SDCBP2: variants seen among roughly 807,000 people sequenced by gnomAD.
The protein encoded by SDCBP2 is syndecan binding protein 2.
In SDCBP2, 28 loss-of-function variants were observed where a neutral mutation model predicts 30.7. The ratio of observed to expected loss-of-function variants is 0.91; its 90% CI spans 0.68 to 1.25. The LOEUF (loss-of-function observed/expected upper bound fraction) is 1.25, where lower values mean the gene tolerates loss of function less well. Ranked by LOEUF, SDCBP2 falls within the 50% of genes most tolerant of loss-of-function variation. The pLI is 0.00. For missense variants in SDCBP2, 399 were observed against 379.0 expected (o/e 1.05, Z -0.44); for synonymous variants, 166 against 157.3 (o/e 1.06, Z -0.41).
Position 1,313,687 on chromosome 20 carries a change from A to G in SDCBP2, c.226-189T>C, listed in dbSNP as rs989900440. ...CTCCACGCGGCCACTAGGGGGCGTC[A>G]AAGTCCATGCCCTTAAAAAGCCAGG... On this transcript the variant is annotated intron_variant, in intron 4 of 8. Transcript: ENST00000360779. The surrounding 1 kb of genome is among the most constrained non-coding windows in gnomAD (Gnocchi z 5.2). 20 of 1,370,304 alleles carry G rather than the reference A, an allele frequency of 1.5e-5. No individual in the cohort carries two copies. Among genetic ancestry groups the G allele is most frequent in the Non-Finnish European group, 1.9e-5 (20 of 1,063,082 alleles). 84.9% of individuals were successfully genotyped at this position (1,370,304 alleles called of 1,614,324 possible). A position where few individuals can be genotyped will look rare whatever the true frequency, so the allele number is the denominator to read the frequency against.
rs574993989 is a variant in SDCBP2 at position 1,328,213 on chromosome 20, G to A, written c.-20+872C>T. 5.3e-5 allele frequency among the ~76,000 whole-genome samples: 8 copies of A among 152,184 alleles called. No individual in the cohort carries two copies. The South Asian group carries it at 1.5e-3, about 28-fold the overall frequency. The stretch of plus-strand genomic sequence containing the variant: ...GGGAGGAAGCTGGAGAAGTGAGAGG[G>A]GCCAGATCCTGGAGGGCCTGGAGGT... On this transcript the variant is annotated intron_variant, in intron 1 of 8. Coordinates refer to ENST00000360779, the MANE Select transcript of SDCBP2 (RefSeq NM_080489.5).
intron 1 of SDCBP2, among the ~76,000 whole-genome samples, chr20:1,327,481 G>T (rs1171345184): frequency 6.6e-6 from 1 of 152,160 alleles, no homozygotes; most frequent in Non-Finnish European, 1.5e-5. Flanking sequence ...GTGGTGAGTC[G>T]GAATAGAAGA....
chr20:1,313,306 G>A lies in SDCBP2; in HGVS notation c.384+34C>T. ...CCTGGCGGGAGAGCGCGTGCAGCTC[G>A]AGCTCCTCTTCCCACCCAGCCCCCG... On this transcript the variant is annotated intron_variant, in intron 5 of 8. Coordinates refer to ENST00000360779, the MANE Select transcript of SDCBP2 (RefSeq NM_080489.5). This position sits in a 1 kb window ranked among gnomAD's most constrained non-coding sequence, Gnocchi z 5.2. The A allele has an allele frequency of 6.3e-7, 1 of 1,599,976 alleles. No homozygotes were observed. Among genetic ancestry groups the A allele is most frequent in the Non-Finnish European group, 8.5e-7 (1 of 1,174,056 alleles).
rs201233653 is a variant in SDCBP2, at chr20:1,318,288, G to A, written c.225+30C>T. On this transcript the variant is annotated intron_variant, in intron 4 of 8. Coordinates refer to ENST00000360779, the MANE Select transcript of SDCBP2 (RefSeq NM_080489.5). ...AAAAGGGAGGATTGGGAGGTTCTGC[G>A]CCCGCAGCAGGCAGAAGCCAAATAC... 332 of 1,463,604 alleles carry A rather than the reference G, an allele frequency of 2.3e-4. 1 individual carries two copies. The African/African-American group carries it at 2.8e-3, about 12-fold the overall frequency. The allele number at this position is 1,463,604 out of a possible 1,614,324, so 90.7% of individuals were successfully genotyped here. A position where few individuals can be genotyped will look rare whatever the true frequency, so the allele number is the denominator to read the frequency against.
In SDCBP2 at chr20:1,310,789, T is replaced by A; in HGVS notation, c.824+11A>T. 1 of 1,605,918 alleles carries A rather than the reference T, an allele frequency of 6.2e-7. No individual in the cohort carries two copies. The highest frequency in any genetic ancestry group is 8.5e-7 in the Non-Finnish European group (1 of 1,174,278). On this transcript the variant is annotated intron_variant, in intron 8 of 8. Transcript: ENST00000360779. Reference sequence around the variant, plus strand: ...AGGGGTGAGGAGGGGTGAGGAGGGGTGCAGCCTTACTTTTTGACCATGTGC... The same window carrying A: ...AGGGGTGAGGAGGGGTGAGGAGGGGAGCAGCCTTACTTTTTGACCATGTGC...
Position 1,324,011 on chromosome 20 carries a change from C to T in SDCBP2, c.-19-3576G>A, listed in dbSNP as rs1160264236. On this transcript the variant is annotated intron_variant, in intron 1 of 8. Coordinates refer to ENST00000360779, the MANE Select transcript of SDCBP2 (RefSeq NM_080489.5). This position sits in a 1 kb window ranked among gnomAD's most constrained non-coding sequence, Gnocchi z 4.7. Reference sequence around the variant, plus strand: ...TCAATCATTCAAAACATTTGAGTGTCCACTGTGTGCCAGACGTGCTGGTCC... The same window carrying T: ...TCAATCATTCAAAACATTTGAGTGTTCACTGTGTGCCAGACGTGCTGGTCC... 6.6e-6 allele frequency: 1 copy of T among 152,114 alleles called. No homozygotes were observed. The highest frequency in any genetic ancestry group is 1.5e-5 in the Non-Finnish European group (1 of 68,024). The allele number at this position is 152,114 out of a possible 1,614,324, so 9.4% of individuals were successfully genotyped here. A position where few individuals can be genotyped will look rare whatever the true frequency, so the allele number is the denominator to read the frequency against.
chr20:1,312,684 T>C lies in SDCBP2; in HGVS notation c.463A>G (p.Ile155Val), dbSNP rs1448602591. ...CACCCAGCACAGTCACGCCCGTCAA[T>C]CTGCAGGAGCTGGTCCCCAAAGCGC... ...GLRFGDQLLQ[I>V]DGRDCAGWSS... Residue 155 changes from isoleucine to valine, a missense_variant, in exon 6 of 9, where the codon ATT becomes GTT. Transcript: ENST00000360779. 1.2e-6 allele frequency: 2 copies of C among 1,614,124 alleles called. No individual in the cohort carries two copies. Among genetic ancestry groups the C allele is most frequent in the East Asian group, 4.5e-5 (2 of 44,868 alleles).
At chr20:1,312,907 C>T in intron 5 of SDCBP2, 145 bp from the exon 6 acceptor site, 1 of 856,714 alleles carries the variant, frequency 1.2e-6, no homozygotes, top group Non-Finnish European at 1.8e-6. Context: ...CCAAGGTTAC[C>T]CCATTTACCG....
In SDCBP2 at chr20:1,319,445, C is replaced by T. The variant is rs2088823510; in HGVS notation, c.124+145G>A. On this transcript the variant is annotated intron_variant, in intron 3 of 8. Coordinates refer to ENST00000360779, the MANE Select transcript of SDCBP2 (RefSeq NM_080489.5). The stretch of plus-strand genomic sequence containing the variant: ...CACCCAGGCAGTAAGAGGTGGGTGG[C>T]AACTGGAAGCCTGGTCCTCTCTTCC... The T allele has an allele frequency of 3.5e-6, 3 of 858,168 alleles. No homozygotes were observed. In the South Asian group the frequency reaches 4.6e-5, roughly 13 times the overall value. 53.2% of individuals were successfully genotyped at this position (858,168 alleles called of 1,614,324 possible). A position where few individuals can be genotyped will look rare whatever the true frequency, so the allele number is the denominator to read the frequency against.
chr20:1,323,892 T>C (rs1403832520), intron 1 of SDCBP2: 1 of 152,186 alleles, frequency 6.6e-6, no homozygotes, highest in African/African-American at 2.4e-5. Flanking sequence ...ATGTGAAACC[T>C]GGGGATAGGA....
At chr20:1,312,942 A>C in intron 5 of SDCBP2, 180 bp from the exon 6 acceptor site, 1 of 660,076 alleles carries the variant, frequency 1.5e-6, no homozygotes, top group South Asian at 2.0e-5. Context: ...TAGGCCTCAT[A>C]GTTAGGAAGC....
intron 1 of SDCBP2, chr20:1,323,840 T>C (rs777116309): frequency 6.6e-6 from 1 of 152,222 alleles, no homozygotes; most frequent in African/African-American, 2.4e-5. Flanking sequence ...TTTTAATTTT[T>C]ATTTTTAAAT....
intron 4 of SDCBP2, among the ~76,000 whole-genome samples, chr20:1,315,665 A>T (rs2122516218): frequency 6.6e-6 from 1 of 152,334 alleles, no homozygotes; most frequent in South Asian, 2.1e-4. Context: ...AAAACATAAA[A>T]CTATAACCAT....
rs373564085 is a variant in SDCBP2, at chr20:1,313,525, A to G, written c.226-27T>C. The G allele has an allele frequency of 4.5e-6, 7 of 1,552,760 alleles. No individual in the cohort carries two copies. The highest frequency in any genetic ancestry group is 6.1e-6 in the Non-Finnish European group (7 of 1,153,726). On this transcript the variant is annotated intron_variant, in intron 4 of 8. Coordinates refer to ENST00000360779, the MANE Select transcript of SDCBP2 (RefSeq NM_080489.5). The surrounding 1 kb of genome is among the most constrained non-coding windows in gnomAD (Gnocchi z 5.2). The stretch of plus-strand genomic sequence containing the variant: ...TGCAGACACCAGGGGGCAGGGGGTC[A>G]GCCCGGCCCGTGGGGACCCTGTGCC...
intron 1 of SDCBP2, among the ~76,000 whole-genome samples, chr20:1,326,383 T>G (rs2088926284): frequency 6.6e-6 from 1 of 152,246 alleles, no homozygotes; most frequent in Non-Finnish European, 1.5e-5. Flanking sequence ...GTGACCTGAC[T>G]TCTGGTAATG....
chr20:1,326,142 A>C (rs2088922538), intron 1 of SDCBP2, among the ~76,000 whole-genome samples: 1 of 152,194 alleles, frequency 6.6e-6, no homozygotes, highest in African/African-American at 2.4e-5. Context: ...GTGGGAAGAG[A>C]GTGTGCTATT....
At position 1,313,610 on chromosome 20, in the gene SDCBP2, C is replaced by G; in HGVS notation, c.226-112G>C. On this transcript the variant is annotated intron_variant, in intron 4 of 8. Coordinates refer to ENST00000360779, the MANE Select transcript of SDCBP2 (RefSeq NM_080489.5). This position sits in a 1 kb window ranked among gnomAD's most constrained non-coding sequence, Gnocchi z 5.2. ...AAGGAGGATGGAGCCGTCCCCGGGT[C>G]CCCCCACGTCCCCAGTCCACGCTTC... The G allele has an allele frequency of 1.4e-6, 2 of 1,423,956 alleles. No individual in the cohort carries two copies. The highest frequency in any genetic ancestry group is 1.4e-5 in the African/African-American group (1 of 69,030). 88.2% of individuals were successfully genotyped at this position (1,423,956 alleles called of 1,614,324 possible).
intron 5 of SDCBP2, 66 bp from the exon 6 acceptor site, chr20:1,312,828 C>A (rs1045894756): frequency 2.0e-6 from 3 of 1,494,350 alleles, no homozygotes; most frequent in African/African-American, 1.4e-5. Flanking sequence ...CCTCTTCCAA[C>A]CTGTTGTTTT....
At chr20:1,315,834 T>C (rs1366442501) in intron 4 of SDCBP2, among the ~76,000 whole-genome samples, 1 of 151,970 alleles carries the variant, frequency 6.6e-6, no homozygotes, top group East Asian at 1.9e-4. Context: ...AAACCACACA[T>C]CTGACAAAGG....
Sources: gnomAD v4.1 joint callset for allele counts (sites outside exome capture counted in the v4.1 genomes callset) on GRCh38, gnomAD v4.1.1 for gene constraint, Gnocchi (gnomAD v3.1) non-coding constraint, MANE v1.5 for transcripts, NCBI Gene and HGNC (gene_info 2026-07-23, HGNC 2026-07-21) for gene names.